The following HS6ST3 variants were observed in gnomAD, a reference collection of about 807,000 sequenced individuals.
HS6ST3 encodes the protein heparan sulfate 6-O-sulfotransferase 3, also known as heparan-sulfate 6-O-sulfotransferase 3.
In HS6ST3, 12 loss-of-function variants were observed where a neutral mutation model predicts 36.7. The ratio of observed to expected loss-of-function variants is 0.33; its 90% confidence interval spans 0.21 to 0.53. HS6ST3 has a LOEUF of 0.53. Ranked by LOEUF, HS6ST3 falls within the 20% of genes least tolerant of loss-of-function variation. The pLI, the probability that HS6ST3 is intolerant of heterozygous loss-of-function variation, is 0.95. For missense variants in HS6ST3, 584 were observed against 640.9 expected, an observed-to-expected ratio of 0.91 and a Z score of 0.96; for synonymous variants, 240 against 257.5, an observed-to-expected ratio of 0.93 and a Z score of 0.65.
intron 1 of HS6ST3, among the ~76,000 whole-genome samples, chr13:96,525,879 AG>A (rs2056111793): frequency 6.6e-6 from 1 of 152,234 alleles, no homozygotes; most frequent in African/African-American, 2.4e-5. Context: ...CCTGACCTCA[AG>A]AACTTTGTAC....
At chr13:96,801,489 A>G (rs1878068357) in intron 1 of HS6ST3, among the ~76,000 whole-genome samples, 1 of 152,048 alleles carries the variant, frequency 6.6e-6, no homozygotes, top group African/African-American at 2.4e-5. Flanking sequence ...TGTTGAAAAC[A>G]GCTGTCAGGG....
chr13:96,729,132 T>C (rs986269971), intron 1 of HS6ST3, among the ~76,000 whole-genome samples: 1 of 152,134 alleles, frequency 6.6e-6, no homozygotes, highest in Non-Finnish European at 1.5e-5. Context: ...AATAGGGTTC[T>C]AGTTGCAATG....
At chr13:96,189,354 A>G (rs2054278663) in intron 1 of HS6ST3, among the ~76,000 whole-genome samples, 1 of 152,158 alleles carries the variant, frequency 6.6e-6, no homozygotes, top group South Asian at 2.1e-4. Flanking sequence ...ATTACATTTA[A>G]TAATGAATCT....
In HS6ST3 at chr13:96,445,684, C is replaced by T. The variant is rs533594540; in HGVS notation, c.707+354115C>T. On this transcript the variant is annotated intron_variant, in intron 1 of 1. Transcript: ENST00000376705. ...GAGTTCGAGACCAGCTTAGCCAACA[C>T]GGTGAAATCCCCGTCTCTACTAAAA... Among the ~76,000 whole-genome samples the T allele has an allele frequency of 1.4e-4, 21 of 151,468 alleles. No homozygotes were observed. In the East Asian group the frequency reaches 2.2e-3, roughly 16 times the overall value.
intron 1 of HS6ST3, among the ~76,000 whole-genome samples, chr13:96,742,231 A>T (rs1033387811): frequency 1.3e-5 from 2 of 152,144 alleles, no homozygotes; most frequent in Non-Finnish European, 2.9e-5. Context: ...TTAAAATTTG[A>T]ATACAAAAAT....
At chr13:96,533,760 T>G (rs2056144777) in intron 1 of HS6ST3, among the ~76,000 whole-genome samples, 1 of 152,238 alleles carries the variant, frequency 6.6e-6, no homozygotes, top group African/African-American at 2.4e-5. Flanking sequence ...AAGCACAGTC[T>G]CATTTGATCC....
At chr13:96,304,723 T>TCTTTCTTTCTTTCTTTCTTTCTTTC (rs1278260017) in intron 1 of HS6ST3, among the ~76,000 whole-genome samples, 1 of 68,640 alleles carries the variant, frequency 1.5e-5, no homozygotes, top group Non-Finnish European at 2.8e-5. Context: ...TTTTTTTTTT[T>TCTTTCTTTCTTTCTTTCTTTCTTTC]TTTTTTTTAC....
chr13:96,414,184 G>C (rs1201441465), intron 1 of HS6ST3, among the ~76,000 whole-genome samples: 1 of 152,172 alleles, frequency 6.6e-6, no homozygotes, highest in Non-Finnish European at 1.5e-5. Flanking sequence ...GTATTAAGGA[G>C]ATCTATTTTA....
chr13:96,578,928 A>G (rs2056331412), intron 1 of HS6ST3, among the ~76,000 whole-genome samples: 1 of 152,220 alleles, frequency 6.6e-6, no homozygotes. Flanking sequence ...TTGTCTCATA[A>G]TAACCCAGAG....
intron 1 of HS6ST3, among the ~76,000 whole-genome samples, chr13:96,555,386 G>T (rs1367280732): frequency 6.6e-6 from 1 of 152,170 alleles, no homozygotes; most frequent in African/African-American, 2.4e-5. Flanking sequence ...ATGGTTCACA[G>T]TAGGGAATAG....
intron 1 of HS6ST3, among the ~76,000 whole-genome samples, chr13:96,229,241 T>G (rs2054495950): frequency 6.6e-6 from 1 of 152,234 alleles, no homozygotes; most frequent in Admixed American, 6.5e-5. Context: ...TAGACAGCAC[T>G]TGCCATTTCT....
At chr13:96,133,483 T>C (rs1471748175) in intron 1 of HS6ST3, among the ~76,000 whole-genome samples, 1 of 152,040 alleles carries the variant, frequency 6.6e-6, no homozygotes, top group African/African-American at 2.4e-5. Flanking sequence ...AGTGCAGTGG[T>C]GCAATCTTGG....
chr13:96,429,266 A>G (rs2055602565), intron 1 of HS6ST3, among the ~76,000 whole-genome samples: 1 of 152,228 alleles, frequency 6.6e-6, no homozygotes, highest in Non-Finnish European at 1.5e-5. Context: ...AAATTTCCTG[A>G]TAGAAACAGT....
At chr13:96,755,820 A>G (rs1876813620) in intron 1 of HS6ST3, among the ~76,000 whole-genome samples, 1 of 152,146 alleles carries the variant, frequency 6.6e-6, no homozygotes, top group Non-Finnish European at 1.5e-5. Flanking sequence ...GTAATTTTTG[A>G]CATATATTTT....
intron 1 of HS6ST3, among the ~76,000 whole-genome samples, chr13:96,797,806 G>C (rs1877950130): frequency 6.6e-6 from 1 of 152,042 alleles, no homozygotes; most frequent in African/African-American, 2.4e-5. Context: ...CTATCAGCAA[G>C]AAAGCCATCA....
chr13:96,577,685 C>T (rs4262817), intron 1 of HS6ST3, among the ~76,000 whole-genome samples: 25,151 of 151,936 alleles, frequency 0.17, 2,919 homozygotes, highest in African/African-American at 0.34. Context: ...GGGCGAAGGA[C>T]ATGAACACAC....
intron 1 of HS6ST3, among the ~76,000 whole-genome samples, chr13:96,686,597 A>C (rs1874788199): frequency 6.6e-6 from 1 of 152,044 alleles, no homozygotes; most frequent in African/African-American, 2.4e-5. Context: ...AAGATAGCTC[A>C]TCTGTCAAGA....
chr13:96,761,380 C>T (rs1380554273), intron 1 of HS6ST3, among the ~76,000 whole-genome samples: 1 of 151,970 alleles, frequency 6.6e-6, no homozygotes, highest in Non-Finnish European at 1.5e-5. Context: ...TGGCTCCTTT[C>T]GGTGAGACAG....
chr13:96,628,377 G>A (rs964326588), intron 1 of HS6ST3, among the ~76,000 whole-genome samples: 5 of 151,292 alleles, frequency 3.3e-5, no homozygotes, highest in South Asian at 2.1e-4. Context: ...TATGGCCTAC[G>A]TGATACCAAT....
Sources: gnomAD v4.1 joint callset for allele counts (sites outside exome capture counted in the v4.1 genomes callset) on GRCh38, gnomAD v4.1.1 for gene constraint, MANE v1.5 for transcripts, NCBI Gene and HGNC (gene_info 2026-07-23, HGNC 2026-07-21) for gene names.